The following REPS2 variants were observed in gnomAD, a reference collection of about 807,000 sequenced individuals.
REPS2 encodes the protein RALBP1 associated Eps domain containing 2.
Under a neutral mutation model 53.6 loss-of-function variants are expected in REPS2, and 23 were observed. The observed-to-expected ratio is 0.43, with a 90% CI of 0.31 to 0.61. The LOEUF (loss-of-function observed/expected upper bound fraction) is 0.61. Among genes scored for constraint, REPS2 ranks in the 20% least tolerant of loss-of-function variants. The pLI, the probability that REPS2 is intolerant of heterozygous loss-of-function variation, is 0.11. For missense variants in REPS2, 446 were observed against 534.9 expected (o/e 0.83, Z 1.64); for synonymous variants, 238 against 218.6 (o/e 1.09, Z -0.78).
chrX:16,962,586 A>T (rs1298791086), intron 1 of REPS2, among the ~76,000 whole-genome samples: 1 of 111,592 alleles, frequency 9.0e-6, no homozygotes, highest in Non-Finnish European at 1.9e-5. Context: ...AAGTCTAGAG[A>T]TGTACAGCAG....
At chrX:17,164,558 T>C in the REPS2 span, among the ~76,000 whole-genome samples, 1 of 112,105 alleles carries the variant, frequency 8.9e-6, no homozygotes, top group African/African-American at 3.2e-5. Flanking sequence ...CATAAACATA[T>C]GTTTGCCTAA....
intron 9 of REPS2, among the ~76,000 whole-genome samples, chrX:17,062,960 C>T (rs962882750): frequency 9.0e-6 from 1 of 111,706 alleles, no homozygotes; most frequent in Non-Finnish European, 1.9e-5. Context: ...GGTTTGAGAA[C>T]TTTATATGAG....
intron 14 of REPS2, among the ~76,000 whole-genome samples, chrX:17,126,464 T>C (rs927009730): frequency 8.9e-6 from 1 of 112,735 alleles, no homozygotes; most frequent in Non-Finnish European, 1.9e-5. Context: ...CACAGAACAT[T>C]AGTTCTTCAG....
At chrX:17,012,838 T>C (rs765060389) in intron 2 of REPS2, among the ~76,000 whole-genome samples, 8 of 112,234 alleles carry the variant, frequency 7.1e-5, no homozygotes, top group Non-Finnish European at 1.5e-4. Flanking sequence ...GTAAAATTCT[T>C]GACGAGATAA....
At chrX:17,139,495 C>T (rs2063415492) in intron 17 of REPS2, among the ~76,000 whole-genome samples, 2 of 110,690 alleles carry the variant, frequency 1.8e-5, no homozygotes, top group Non-Finnish European at 3.8e-5. Flanking sequence ...ATGACATCAC[C>T]CCTGTTTCTC....
chrX:17,131,704 C>T lies in REPS2; in HGVS notation c.1579-2120C>T, dbSNP rs1385893427. ...GGGAAATGGGGGACATAGAGAGCTGCTCATGAGGCGCAGTCACCCTGTGTT... is the reference window on the plus strand; with the variant it reads ...GGGAAATGGGGGACATAGAGAGCTGTTCATGAGGCGCAGTCACCCTGTGTT... On this transcript the variant is annotated intron_variant, in intron 14 of 17. Transcript: ENST00000357277. 3.6e-5 allele frequency among the ~76,000 whole-genome samples: 4 copies of T among 111,365 alleles called. No homozygotes were observed. In the East Asian group the frequency reaches 8.5e-4, roughly 24 times the overall value.
At chrX:16,989,620 A>C (rs1222587287) in intron 1 of REPS2, among the ~76,000 whole-genome samples, 1 of 112,317 alleles carries the variant, frequency 8.9e-6, no homozygotes, top group Non-Finnish European at 1.9e-5. Context: ...AAAGTGGAAA[A>C]AATACAAGAA....
chrX:16,983,150 C>A (rs891284654), intron 1 of REPS2, among the ~76,000 whole-genome samples: 2 of 111,113 alleles, frequency 1.8e-5, no homozygotes, highest in African/African-American at 6.5e-5. Flanking sequence ...TTTAGTATAA[C>A]CTAGTTTATC....
intron 1 of REPS2, among the ~76,000 whole-genome samples, chrX:16,958,488 C>T (rs566508808): frequency 2.5e-4 from 28 of 111,571 alleles, no homozygotes; most frequent in Middle Eastern, 4.6e-3. Context: ...TGTTGAGGCA[C>T]GAAGGGACTA....
At chrX:17,177,272 C>T in the REPS2 span, among the ~76,000 whole-genome samples, 1 of 112,237 alleles carries the variant, frequency 8.9e-6, no homozygotes, top group Non-Finnish European at 1.9e-5. Context: ...GGTGAAAGTG[C>T]TCCCAAATCC....
chrX:17,083,219 G>T (rs1322898534), intron 13 of REPS2, among the ~76,000 whole-genome samples: 1 of 108,736 alleles, frequency 9.2e-6, no homozygotes, highest in Non-Finnish European at 1.9e-5. Context: ...AAATAGCTGG[G>T]GACTACAGGC....
rs150376773 is a variant in REPS2 at position 16,989,460 on chromosome X, T to C, written c.274-16761T>C. Among the ~76,000 whole-genome samples, 381 of 111,497 alleles carry C rather than the reference T, an allele frequency of 3.4e-3. 1 individual carries two copies. The highest frequency in any genetic ancestry group is 0.01 in the African/African-American group (309 of 30,730). On this transcript the variant is annotated intron_variant, in intron 1 of 17. Transcript: ENST00000357277. ...AATTGGATTTCATCAAAATAAAAAATACTTACTCTGAGAAAGACCTCATAA... is the reference window on the plus strand; with the variant it reads ...AATTGGATTTCATCAAAATAAAAAACACTTACTCTGAGAAAGACCTCATAA...
At chrX:17,080,586 A>G (rs2062443154) in intron 13 of REPS2, among the ~76,000 whole-genome samples, 1 of 112,154 alleles carries the variant, frequency 8.9e-6, no homozygotes, top group Non-Finnish European at 1.9e-5. Flanking sequence ...AAGTGTAGCT[A>G]TATGTTGCCA....
chrX:17,107,338 T>C (rs760732594), intron 14 of REPS2, among the ~76,000 whole-genome samples: 49 of 112,276 alleles, frequency 4.4e-4, no homozygotes, highest in African/African-American at 1.6e-3. Flanking sequence ...ATCTCAAGTT[T>C]TGGAAGTTCT....
intron 14 of REPS2, among the ~76,000 whole-genome samples, chrX:17,129,791 T>A (rs762609278): frequency 8.9e-6 from 1 of 112,119 alleles, no homozygotes; most frequent in Non-Finnish European, 1.9e-5. Context: ...TATCATCTCC[T>A]TGGATATTTC....
intron 1 of REPS2, among the ~76,000 whole-genome samples, chrX:16,984,283 G>A (rs1368568922): frequency 8.9e-6 from 1 of 112,051 alleles, no homozygotes; most frequent in Non-Finnish European, 1.9e-5. Flanking sequence ...TCACCATGTG[G>A]GTCTCTCTTT....
intron 1 of REPS2, among the ~76,000 whole-genome samples, chrX:16,947,622 G>A (rs183676551): frequency 8.9e-6 from 1 of 111,895 alleles, no homozygotes; most frequent in Non-Finnish European, 1.9e-5. Flanking sequence ...CTATGTAGTT[G>A]TAATATATAA....
chrX:17,159,950 A>G, the REPS2 span, among the ~76,000 whole-genome samples: 30 of 112,232 alleles, frequency 2.7e-4, no homozygotes, highest in Admixed American at 3.8e-4. Flanking sequence ...CACTCAGAAG[A>G]TGATTAAGAT....
intron 2 of REPS2, among the ~76,000 whole-genome samples, chrX:17,020,752 C>A (rs1013689094): frequency 9.9e-5 from 11 of 110,735 alleles, no homozygotes; most frequent in African/African-American, 3.6e-4. Flanking sequence ...CCTCAGCCTC[C>A]TGAGTAGCTG....
Sources: gnomAD v4.1 joint callset for allele counts (sites outside exome capture counted in the v4.1 genomes callset) on GRCh38, gnomAD v4.1.1 for gene constraint, MANE v1.5 for transcripts, NCBI Gene and HGNC (gene_info 2026-07-23, HGNC 2026-07-21) for gene names.